BRD8: variants seen among roughly 807,000 people sequenced by gnomAD.
The protein encoded by BRD8 is bromodomain-containing protein 8.
In BRD8, 67 loss-of-function variants were observed where a neutral mutation model predicts 143.1. The observed-to-expected ratio is 0.47, with a 90% CI of 0.38 to 0.57. The LOEUF is 0.57. Among genes scored for constraint, BRD8 ranks in the 20% least tolerant of loss-of-function variants. The pLI, the probability that BRD8 is intolerant of heterozygous loss-of-function variation, is 0.00. For missense variants in BRD8, 1,103 were observed against 1,503.0 expected, an observed-to-expected ratio of 0.73 and a Z score of 4.40; for synonymous variants, 505 against 517.1, an observed-to-expected ratio of 0.98 and a Z score of 0.32.
chr5:138,178,121 G>T (rs138892482), intron 1 of BRD8, among the ~76,000 whole-genome samples: 1 of 151,932 alleles, frequency 6.6e-6, no homozygotes, highest in Non-Finnish European at 1.5e-5. Context: ...AAATGTCGGG[G>T]GTAAAAGAGC....
At position 138,140,772 on chromosome 5, in the gene BRD8, T is replaced by C; in HGVS notation, c.3548A>G (p.Asn1183Ser). 2 of 1,614,192 alleles carry C rather than the reference T, an allele frequency of 1.2e-6. No homozygotes were observed. Among genetic ancestry groups the C allele is most frequent in the Non-Finnish European group, 1.7e-6 (2 of 1,180,036 alleles). ...MLMFQNAVMY[N>S]DSDHHVYHMA... The stretch of plus-strand genomic sequence containing the variant: ...ATGGTATACATGATGATCAGAGTCA[T>C]TGTACATTACAGCATTTTGGAACAT... The change falls in exon 26 of 27, where the codon AAT becomes AGT. Residue 1183 changes from asparagine (N) to serine (S), a missense_variant. Asn to Ser is a conservative substitution (Grantham distance 46). This residue lies in a region of BRD8 where 369 missense variants were observed against 445.5 expected (regional missense o/e 0.83). Coordinates refer to ENST00000254900, the MANE Select transcript of BRD8 (RefSeq NM_139199.2).
chr5:138,150,588 A>G (rs898175405), intron 22 of BRD8, among the ~76,000 whole-genome samples, 157 bp downstream of exon 22: 1 of 152,234 alleles, frequency 6.6e-6, no homozygotes, highest in African/African-American at 2.4e-5. Flanking sequence ...AATGTTCACT[A>G]ACATGCTAAA....
chr5:138,176,336 T>C (rs563713145), intron 2 of BRD8, among the ~76,000 whole-genome samples: 7 of 152,300 alleles, frequency 4.6e-5, no homozygotes, highest in Admixed American at 2.0e-4. Flanking sequence ...CTCACACTTG[T>C]AATCCCAGCA....
intron 3 of BRD8, among the ~76,000 whole-genome samples, chr5:138,171,766 T>C (rs1435688390): frequency 6.6e-6 from 1 of 152,204 alleles, no homozygotes; most frequent in Non-Finnish European, 1.5e-5. Context: ...AACTCTTTTA[T>C]CTCTATTTTA....
rs778411376 is a variant in BRD8 at position 138,160,078 on chromosome 5, A to G, written c.2523T>C (p.Ala841=). 1 of 1,613,654 alleles carries G rather than the reference A, an allele frequency of 6.2e-7. No homozygotes were observed. Among genetic ancestry groups the G allele is most frequent in the South Asian group, 1.1e-5 (1 of 91,070 alleles). ...RGRDSTRKQD[A]SEKDSVPMGS... ...TTCCTGATCGCCTCACCTTCTCTGA[A>G]GCATCCTGTTTGCGGGTAGAATCTC... The change falls in exon 19 of 27, where the codon GCT becomes GCC. Residue 841 remains alanine (A), a synonymous_variant. Coordinates refer to ENST00000254900, the MANE Select transcript of BRD8 (RefSeq NM_139199.2).
At chr5:138,166,217 G>A (rs1753408900) in intron 10 of BRD8, 109 bp from the exon 11 acceptor site, 1 of 769,258 alleles carries the variant, frequency 1.3e-6, no homozygotes, top group South Asian at 1.7e-5. Flanking sequence ...AACACTTAAG[G>A]TCAGAAAGAG....
At chr5:138,145,310 A>G (rs1243006914) in intron 24 of BRD8, 65 bp from the exon 25 acceptor site, 7 of 1,462,440 alleles carry the variant, frequency 4.8e-6, no homozygotes, top group Non-Finnish European at 5.7e-6. Flanking sequence ...GGAGAAGAGT[A>G]GCTCAGTTCT....
chr5:138,170,313 A>G (rs746386826), intron 7 of BRD8, 32 bp downstream of exon 7: 23 of 1,422,870 alleles, frequency 1.6e-5, no homozygotes, highest in Non-Finnish European at 2.0e-5. Flanking sequence ...TGTGCAATCA[A>G]TTGCTAAAGA....
intron 24 of BRD8, 57 bp downstream of exon 24, chr5:138,145,732 A>C: frequency 7.0e-7 from 1 of 1,429,690 alleles, no homozygotes; most frequent in South Asian, 1.2e-5. Context: ...CTTAAACCCC[A>C]ATATGTATTA....
Position 138,171,083 on chromosome 5 carries a change from ACTCG to A in BRD8, c.310_313del (p.Arg104LeufsTer4), listed in dbSNP as rs867087736. The stretch of plus-strand genomic sequence containing the variant: ...CTTTATCACTTTCTTTAGTTCTTCA[ACTCG>A]CTCAGCAGTCAATTTCCGAACAATA... On this transcript the variant is annotated frameshift_variant, in exon 5 of 27. Transcript: ENST00000254900. LOFTEE classifies it high-confidence loss of function. 1 of 1,613,774 alleles carries A rather than the reference ACTCG, an allele frequency of 6.2e-7. No individual in the cohort carries two copies. The highest frequency in any genetic ancestry group is 1.3e-5 in the African/African-American group (1 of 74,918).
chr5:138,178,175 C>A (rs1334117584), intron 1 of BRD8, among the ~76,000 whole-genome samples: 1 of 152,190 alleles, frequency 6.6e-6, no homozygotes, highest in Non-Finnish European at 1.5e-5. Context: ...CCCCGAGATG[C>A]AATTTCCTGA....
At chr5:138,172,245 C>T in intron 2 of BRD8, 111 bp from the exon 3 acceptor site, 3 of 853,212 alleles carry the variant, frequency 3.5e-6, no homozygotes, top group Non-Finnish European at 5.7e-6. Context: ...ATGCGAATGG[C>T]CAGGCGCGGT....
At position 138,164,296 on chromosome 5, in the gene BRD8, T is replaced by A. The variant is rs369547307; in HGVS notation, c.1825+24A>T. ...AGAAGCCAAAGCAAATGATTTCAAG[T>A]CAGTGAAAGAGGACTTTATTTACCT... On this transcript the variant is annotated intron_variant, in intron 13 of 26. Coordinates refer to ENST00000254900, the MANE Select transcript of BRD8 (RefSeq NM_139199.2). 2.5e-6 allele frequency: 4 copies of A among 1,609,924 alleles called. No homozygotes were observed. In the South Asian group the frequency reaches 3.3e-5, roughly 13 times the overall value.
intron 25 of BRD8, among the ~76,000 whole-genome samples, chr5:138,144,496 C>T (rs911293599): frequency 1.3e-5 from 2 of 152,204 alleles, no homozygotes; most frequent in Admixed American, 6.5e-5. Flanking sequence ...CCATTTGGAT[C>T]GACATCTGTG....
At chr5:138,172,964 G>A (rs972880143) in intron 2 of BRD8, 1 of 182,532 alleles carries the variant, frequency 5.5e-6, no homozygotes, top group African/African-American at 2.4e-5. Flanking sequence ...AATTTTGCTG[G>A]AGAGACACAA....
chr5:138,174,543 C>G (rs918246001), intron 2 of BRD8, among the ~76,000 whole-genome samples: 2 of 151,282 alleles, frequency 1.3e-5, no homozygotes, highest in African/African-American at 4.9e-5. Flanking sequence ...TTCCAGTGAG[C>G]CAAGATTGCA....
At chr5:138,159,289 C>T (rs535465803) in intron 20 of BRD8, among the ~76,000 whole-genome samples, 3 of 151,988 alleles carry the variant, frequency 2.0e-5, no homozygotes, top group South Asian at 2.1e-4. Flanking sequence ...CAGGAAATGA[C>T]GAGCAGGTAC....
intron 16 of BRD8, 64 bp downstream of exon 16, chr5:138,161,990 T>C: frequency 6.3e-7 from 1 of 1,579,230 alleles, no homozygotes; most frequent in Non-Finnish European, 8.7e-7. Context: ...CTCAGACTTT[T>C]TTCCAGTCAC....
intron 16 of BRD8, 25 bp downstream of exon 16, chr5:138,162,029 C>G (rs1753038834): frequency 1.9e-6 from 3 of 1,600,564 alleles, no homozygotes; most frequent in Non-Finnish European, 8.5e-7. Flanking sequence ...GAAAATGAAC[C>G]TACTGACTGG....
Sources: allele counts gnomAD v4.1 joint callset (sites outside exome capture counted in the v4.1 genomes callset), GRCh38; gene constraint gnomAD v4.1.1; regional missense constraint gnomAD v4.1.1; transcripts MANE v1.5; gene names NCBI Gene and HGNC (gene_info 2026-07-23, HGNC 2026-07-21).